SLC2A2: variants seen among roughly 807,000 people sequenced by gnomAD.
SLC2A2 encodes solute carrier family 2 member 2.
In SLC2A2, 36 loss-of-function variants were observed where a neutral mutation model predicts 54.5. The ratio of observed to expected loss-of-function variants is 0.66; its 90% CI spans 0.51 to 0.87. The LOEUF (loss-of-function observed/expected upper bound fraction) is 0.87, where lower values mean the gene tolerates loss of function less well. Ranked by LOEUF, SLC2A2 falls within the 40% of genes least tolerant of loss-of-function variation. The pLI is 0.00. For synonymous variants in SLC2A2, 223 were observed against 219.1 expected (o/e 1.02, Z -0.16); for missense variants, 543 against 624.3 (o/e 0.87, Z 1.39).
At chr3:171,026,368 C>CT (rs58089695) in intron 1 of SLC2A2, among the ~76,000 whole-genome samples, 15,840 of 117,158 alleles carry the variant, frequency 0.14, 1,040 homozygotes, top group East Asian at 0.19. Flanking sequence ...AATCTGCCCC[C>CT]TTTTTTTTTT....
At position 171,009,641 on chromosome 3, in the gene SLC2A2, A is replaced by G. The variant is rs187467438; in HGVS notation, c.496+317T>C. 3.3e-5 allele frequency among the ~76,000 whole-genome samples: 5 copies of G among 152,172 alleles called. No individual in the cohort carries two copies. The East Asian group carries it at 9.7e-4, about 29-fold the overall frequency. On this transcript the variant is annotated intron_variant, in intron 4 of 10. Transcript: ENST00000314251. ...CATATGTTCTCACAATCACCCTATA[A>G]GGTAGATATTATTATCCACTTCATT...
intron 2 of SLC2A2, among the ~76,000 whole-genome samples, chr3:171,015,940 C>T (rs983753129): frequency 7.9e-5 from 12 of 151,222 alleles, no homozygotes; most frequent in South Asian, 2.1e-4. Flanking sequence ...GGGAGGAAGA[C>T]GAGGCCATCT....
intron 8 of SLC2A2, among the ~76,000 whole-genome samples, 172 bp from the exon 9 acceptor site, chr3:170,999,338 C>T (rs1230351661): frequency 6.6e-6 from 1 of 151,914 alleles, no homozygotes; most frequent in Non-Finnish European, 1.5e-5. Flanking sequence ...GACTCTAGCC[C>T]CAGGTGGCAG....
At position 171,005,927 on chromosome 3, in the gene SLC2A2, C is replaced by T. The variant is rs764049434; in HGVS notation, c.775+16G>A. On this transcript the variant is annotated intron_variant, in intron 6 of 10. Transcript: ENST00000314251. ...CCAAAACAATAGGAAGAAAGAAAAA[C>T]CATCCACAGACTTACTTTGTTTTGC... 6.2e-6 allele frequency: 10 copies of T among 1,610,142 alleles called. No individual in the cohort carries two copies. Among genetic ancestry groups the T allele is most frequent in the Non-Finnish European group, 7.6e-6 (9 of 1,176,986 alleles).
chr3:171,008,398 A>G (rs577101431), intron 4 of SLC2A2, among the ~76,000 whole-genome samples: 2 of 152,216 alleles, frequency 1.3e-5, no homozygotes, highest in African/African-American at 4.8e-5. Flanking sequence ...TCTTTCTGTA[A>G]TAGCTAATAC....
chr3:171,016,852 CTTTTTTTTTT>C (rs201071901), intron 2 of SLC2A2, among the ~76,000 whole-genome samples: 1 of 114,332 alleles, frequency 8.7e-6, no homozygotes, highest in African/African-American at 3.7e-5. Flanking sequence ...TTAATTTTTT[CTTTTTTTTTT>C]TTTTTTTTGA....
intron 8 of SLC2A2, 97 bp downstream of exon 8, chr3:171,002,479 T>A: frequency 1.3e-6 from 1 of 775,966 alleles, no homozygotes; most frequent in South Asian, 1.4e-5. Context: ...ATGTGTACAA[T>A]AAGTCATTGA....
intron 8 of SLC2A2, 49 bp downstream of exon 8, chr3:171,002,527 T>C: frequency 1.7e-6 from 2 of 1,162,648 alleles, no homozygotes; most frequent in Non-Finnish European, 2.6e-6. Context: ...CCTCCTGCAA[T>C]TTCTGGACTA....
chr3:171,009,950 T>TGTGTGTGA lies in SLC2A2; in HGVS notation c.496+7_496+8insTCACACAC, dbSNP rs746295534. The stretch of plus-strand genomic sequence containing the variant: ...GTGTGTGTGTGTGTGTGTGTGTGTG[T>TGTGTGTGA]GACTTACCACAATATAGTCCTGATA... On this transcript the variant is annotated splice_region_variant and intron_variant, in intron 4 of 10. Coordinates refer to ENST00000314251, the MANE Select transcript of SLC2A2 (RefSeq NM_000340.2). The TGTGTGTGA allele has an allele frequency of 2.8e-5, 43 of 1,541,616 alleles. No individual in the cohort carries two copies. The African/African-American group carries it at 5.0e-4, about 18-fold the overall frequency.
intron 9 of SLC2A2, among the ~76,000 whole-genome samples, chr3:170,998,624 A>G (rs1460762693): frequency 6.6e-6 from 1 of 152,170 alleles, no homozygotes; most frequent in Admixed American, 6.5e-5. Flanking sequence ...CCTGTAAAAG[A>G]GGCAGGGCAA....
intron 8 of SLC2A2, among the ~76,000 whole-genome samples, chr3:171,000,637 G>C (rs1037225329): frequency 7.4e-5 from 11 of 149,416 alleles, no homozygotes; most frequent in Non-Finnish European, 1.0e-4. Context: ...TTTTCTTTCT[G>C]CTTTTTTTCT....
At chr3:170,998,159 G>A (rs577242081) in intron 10 of SLC2A2, 34 bp downstream of exon 10, 1 of 1,612,986 alleles carries the variant, frequency 6.2e-7, no homozygotes, top group Non-Finnish European at 8.5e-7. Flanking sequence ...CCTCTCTTCT[G>A]TTCAGTAAAT....
intron 2 of SLC2A2, among the ~76,000 whole-genome samples, chr3:171,018,020 G>T (rs1472952914): frequency 6.6e-6 from 1 of 152,116 alleles, no homozygotes; most frequent in Non-Finnish European, 1.5e-5. Context: ...TTAGTTTAGG[G>T]CTTCTTAAGG....
rs115200993 is a variant in SLC2A2 at position 171,021,242 on chromosome 3, A to G, written c.16-2619T>C. 6.4e-3 allele frequency among the ~76,000 whole-genome samples: 978 copies of G among 152,232 alleles called. 11 individuals are homozygous for G. Among genetic ancestry groups the G allele is most frequent in the African/African-American group, 0.022 (927 of 41,540 alleles). ...TTCATCCTTTTTACAGGTGGTAGCC[A>G]TTGTCAGAAGTGATGGGATAAGGAG... On this transcript the variant is annotated intron_variant, in intron 1 of 10. Transcript: ENST00000314251.
chr3:171,021,540 G>C (rs988303745), intron 1 of SLC2A2, among the ~76,000 whole-genome samples: 1 of 152,086 alleles, frequency 6.6e-6, no homozygotes, highest in South Asian at 2.1e-4. Flanking sequence ...TAGTCCCAGC[G>C]TTTGGGAGGC....
At chr3:171,001,310 A>C (rs1448093676) in intron 8 of SLC2A2, among the ~76,000 whole-genome samples, 1 of 152,126 alleles carries the variant, frequency 6.6e-6, no homozygotes, top group Non-Finnish European at 1.5e-5. Context: ...CAGGAGACAA[A>C]AGGGTGAATA....
chr3:171,013,121 G>A (rs974501882), intron 3 of SLC2A2, among the ~76,000 whole-genome samples: 12 of 151,968 alleles, frequency 7.9e-5, no homozygotes, highest in African/African-American at 9.7e-5. Flanking sequence ...ATTTTAGAAC[G>A]TAATTTAATT....
At chr3:171,016,535 A>AT (rs1431957701) in intron 2 of SLC2A2, among the ~76,000 whole-genome samples, 9 of 151,654 alleles carry the variant, frequency 5.9e-5, no homozygotes, top group Non-Finnish European at 1.3e-4. Flanking sequence ...AATTATGGGT[A>AT]TTTTTTTTTC....
intron 3 of SLC2A2, among the ~76,000 whole-genome samples, chr3:171,013,958 A>G (rs1377676296): frequency 7.4e-5 from 10 of 134,368 alleles, no homozygotes; most frequent in Admixed American, 7.3e-4. Context: ...AGCAAGCAGT[A>G]CCAGCAGCCA....
Sources: allele counts gnomAD v4.1 joint callset (sites outside exome capture counted in the v4.1 genomes callset), GRCh38; gene constraint gnomAD v4.1.1; transcripts MANE v1.5; gene names NCBI Gene and HGNC (gene_info 2026-07-23, HGNC 2026-07-21).